WIPI2: variants seen among roughly 807,000 people sequenced by gnomAD.
The protein encoded by WIPI2 is WD repeat domain phosphoinositide-interacting protein 2.
In WIPI2, 28 loss-of-function variants were observed where a neutral mutation model predicts 52.3. The observed-to-expected ratio is 0.54, with a 90% confidence interval of 0.40 to 0.73. The LOEUF (loss-of-function observed/expected upper bound fraction) is 0.73, where lower values mean the gene tolerates loss of function less well. Ranked by LOEUF, WIPI2 falls within the 30% of genes least tolerant of loss-of-function variation. The pLI is 0.00. For synonymous variants in WIPI2, 268 were observed against 245.0 expected (o/e 1.09, Z -0.88); for missense variants, 506 against 602.9 (o/e 0.84, Z 1.68).
intron 2 of WIPI2, among the ~76,000 whole-genome samples, chr7:5,198,843 A>G (rs1482319688): frequency 6.6e-6 from 1 of 152,198 alleles, no homozygotes; most frequent in Non-Finnish European, 1.5e-5. Context: ...GATGTTTTAT[A>G]TACACACGTC....
At chr7:5,210,563 C>G (rs905072142) in intron 3 of WIPI2, among the ~76,000 whole-genome samples, 3 of 152,250 alleles carry the variant, frequency 2.0e-5, no homozygotes, top group Non-Finnish European at 2.9e-5. Context: ...AGGCACTGCC[C>G]TGTTTACCAC....
intron 3 of WIPI2, among the ~76,000 whole-genome samples, chr7:5,211,807 AC>A (rs1327123942): frequency 1.3e-5 from 2 of 152,240 alleles, no homozygotes; most frequent in Non-Finnish European, 2.9e-5. Context: ...ATCAGGCCTT[AC>A]AGCTAATTAG....
chr7:5,198,042 G>A (rs1013576250), intron 2 of WIPI2, among the ~76,000 whole-genome samples: 9 of 152,232 alleles, frequency 5.9e-5, no homozygotes, highest in African/African-American at 1.9e-4. Context: ...GGCTCCTTGA[G>A]CCTCCTCGCA....
rs1783724564 is a variant in WIPI2 at position 5,231,548 on chromosome 7, G to T, written c.*601G>T. 6.6e-6 allele frequency: 1 copy of T among 152,220 alleles called. No homozygotes were observed. Among genetic ancestry groups the T allele is most frequent in the African/African-American group, 2.4e-5 (1 of 41,426 alleles). 9.4% of individuals were successfully genotyped at this position (152,220 alleles called of 1,614,324 possible). Reference sequence around the variant, plus strand: ...GGATCGCTCTGGGATTTCTTCCATGGTGGACTTTTGTTTCTGATCTTGTTT... The same window carrying T: ...GGATCGCTCTGGGATTTCTTCCATGTTGGACTTTTGTTTCTGATCTTGTTT... On this transcript the variant is annotated 3_prime_UTR_variant, in exon 13 of 13. Transcript: ENST00000288828.
At chr7:5,197,127 A>AC (rs1562384708) in intron 2 of WIPI2, among the ~76,000 whole-genome samples, 4 of 147,650 alleles carry the variant, frequency 2.7e-5, no homozygotes, top group African/African-American at 1.0e-4. Flanking sequence ...ACAAAAAAAA[A>AC]AAAAAAAAAA....
intron 3 of WIPI2, among the ~76,000 whole-genome samples, chr7:5,203,789 T>TG (rs35286950): frequency 0.13 from 19,584 of 151,798 alleles, 1,375 homozygotes; most frequent in East Asian, 0.32. Flanking sequence ...CTGATTTTTT[T>TG]TGTGTGTGTA....
At chr7:5,213,749 G>A (rs1383219083) in intron 3 of WIPI2, among the ~76,000 whole-genome samples, 4 of 152,168 alleles carry the variant, frequency 2.6e-5, no homozygotes, top group East Asian at 3.9e-4. Context: ...GCAGTGGCGC[G>A]ATTTTGGCTC....
chr7:5,203,757 C>T (rs1380309832), intron 3 of WIPI2, among the ~76,000 whole-genome samples: 4 of 151,420 alleles, frequency 2.6e-5, no homozygotes, highest in Admixed American at 1.3e-4. Context: ...CTCAGCCTCC[C>T]GAGTAGCGCC....
intron 3 of WIPI2, among the ~76,000 whole-genome samples, chr7:5,204,654 A>G (rs1782203890): frequency 6.6e-6 from 1 of 151,814 alleles, no homozygotes; most frequent in South Asian, 2.1e-4. Context: ...TGCGAAGTGC[A>G]TCCTTTTGTG....
Position 5,219,775 on chromosome 7 carries a change from A to G in WIPI2, c.669+1761A>G, listed in dbSNP as rs77905145. 3.2e-3 allele frequency among the ~76,000 whole-genome samples: 494 copies of G among 152,154 alleles called. 3 individuals are homozygous for G. The highest frequency in any genetic ancestry group is 0.011 in the African/African-American group (472 of 41,504). On this transcript the variant is annotated intron_variant, in intron 7 of 12. Coordinates refer to ENST00000288828, the MANE Select transcript of WIPI2 (RefSeq NM_015610.4). ...AAAATAGTTCATTCTCTAATTCTCAATGTTACAAGCTCAGTTTGTGTCCCT... is the reference window on the plus strand; with the variant it reads ...AAAATAGTTCATTCTCTAATTCTCAGTGTTACAAGCTCAGTTTGTGTCCCT...
intron 4 of WIPI2, among the ~76,000 whole-genome samples, chr7:5,215,886 T>C (rs990445253): frequency 3.9e-5 from 6 of 152,246 alleles, no homozygotes; most frequent in Non-Finnish European, 5.9e-5. Flanking sequence ...GTAATCTGAG[T>C]GCACAATAAA....
Position 5,233,671 on chromosome 7 carries a change from G to T in WIPI2, c.*2724G>T, listed in dbSNP as rs945963566. 2.6e-5 allele frequency: 4 copies of T among 152,358 alleles called. No individual in the cohort carries two copies. The highest frequency in any genetic ancestry group is 6.5e-5 in the Admixed American group (1 of 15,270). 9.4% of individuals were successfully genotyped at this position (152,358 alleles called of 1,614,324 possible). ...CTGCCTAGCTGTGGGAGCAGGCAGGGCGCCTGGGAGCCTGCGTTTTCTGGA... is the reference window on the plus strand; with the variant it reads ...CTGCCTAGCTGTGGGAGCAGGCAGGTCGCCTGGGAGCCTGCGTTTTCTGGA... On this transcript the variant is annotated 3_prime_UTR_variant, in exon 13 of 13. Coordinates refer to ENST00000288828, the MANE Select transcript of WIPI2 (RefSeq NM_015610.4).
In WIPI2 at chr7:5,217,907, G is replaced by T; in HGVS notation, c.577-15G>T. The T allele has an allele frequency of 1.9e-6, 3 of 1,614,038 alleles. No individual in the cohort carries two copies. The highest frequency in any genetic ancestry group is 2.5e-6 in the Non-Finnish European group (3 of 1,179,932). On this transcript the variant is annotated splice_polypyrimidine_tract_variant and intron_variant, in intron 6 of 12. Transcript: ENST00000288828. ...ACTGTGCGGTGGCCACTCTTTATTG[G>T]TGTCCCTTTTTCAGAGAGCTGCAAA...
intron 11 of WIPI2, chr7:5,229,320 T>A: frequency 3.8e-6 from 1 of 266,186 alleles, no homozygotes. Flanking sequence ...CGGGCTAGCC[T>A]GACTTTTTTT....
rs55697377 is a variant in WIPI2, at chr7:5,209,013, ATTTTT to A, written c.212-5505_212-5501del. On this transcript the variant is annotated intron_variant, in intron 3 of 12. Transcript: ENST00000288828. ...AAATTTGTTTTGGTAATATTCTGTG[ATTTTT>A]TTTTTTTTTTTTTTTTGGTATGGAG... Among the ~76,000 whole-genome samples, 6 of 92,876 alleles carry A rather than the reference ATTTTT, an allele frequency of 6.5e-5. 1 individual carries two copies. Among genetic ancestry groups the A allele is most frequent in the African/African-American group, 2.6e-4 (6 of 23,264 alleles). 60.9% of individuals were successfully genotyped at this position (92,876 alleles called of 152,430 possible). A position where few individuals can be genotyped will look rare whatever the true frequency, so the allele number is the denominator to read the frequency against.
chr7:5,223,294 G>A (rs116981584), intron 8 of WIPI2, among the ~76,000 whole-genome samples: 13 of 152,294 alleles, frequency 8.5e-5, no homozygotes, highest in East Asian at 3.9e-4. Context: ...TCGCATGGCC[G>A]TGGTCGGCGG....
chr7:5,220,206 C>A (rs192227397), intron 7 of WIPI2, among the ~76,000 whole-genome samples: 1 of 150,980 alleles, frequency 6.6e-6, no homozygotes, highest in Non-Finnish European at 1.5e-5. Flanking sequence ...TAAACAGTTC[C>A]TTGGTGTTCT....
chr7:5,218,918 T>G (rs1782955802), intron 7 of WIPI2: 1 of 152,222 alleles, frequency 6.6e-6, no homozygotes, highest in African/African-American at 2.4e-5. Context: ...TACTTTGATT[T>G]GGATATGATT....
chr7:5,226,918 G>A, intron 9 of WIPI2: 1 of 483,268 alleles, frequency 2.1e-6, no homozygotes, highest in South Asian at 2.6e-5. Flanking sequence ...GGGATGTGTG[G>A]TCAGCTGCCA....
Sources: allele counts gnomAD v4.1 joint callset (sites outside exome capture counted in the v4.1 genomes callset), GRCh38; gene constraint gnomAD v4.1.1; transcripts MANE v1.5; gene names NCBI Gene and HGNC (gene_info 2026-07-23, HGNC 2026-07-21).